SCAMP1: variants seen among roughly 807,000 people sequenced by gnomAD.
The protein encoded by SCAMP1 is secretory carrier-associated membrane protein 1.
Under a neutral mutation model 41.8 loss-of-function variants are expected in SCAMP1, and 15 were observed. The ratio of observed to expected loss-of-function variants is 0.36; its 90% confidence interval spans 0.24 to 0.55. The LOEUF (loss-of-function observed/expected upper bound fraction) is 0.55. SCAMP1 is among the 20% of genes least tolerant of loss of function. SCAMP1 has a pLI of 0.86. For missense variants in SCAMP1, 341 were observed against 412.6 expected, an observed-to-expected ratio of 0.83 and a Z score of 1.50; for synonymous variants, 135 against 136.8, an observed-to-expected ratio of 0.99 and a Z score of 0.09.
At position 78,388,921 on chromosome 5, in the gene SCAMP1, T is replaced by C; in HGVS notation, c.135+7T>C. The C allele has an allele frequency of 2.2e-6, 3 of 1,368,062 alleles. No individual in the cohort carries two copies. The highest frequency in any genetic ancestry group is 1.3e-5 in the South Asian group (1 of 75,306). The allele number at this position is 1,368,062 out of a possible 1,614,324, so 84.7% of individuals were successfully genotyped here. ...ATTCTCGGATTCTAGAACAGTAAGA[T>C]TATTCTTGCTTTTAAATGTTTAAAT... On this transcript the variant is annotated splice_region_variant and intron_variant, in intron 2 of 8. Transcript: ENST00000621999.
At chr5:78,453,013 C>A (rs1038672610) in intron 7 of SCAMP1, among the ~76,000 whole-genome samples, 1 of 147,126 alleles carries the variant, frequency 6.8e-6, no homozygotes, top group Non-Finnish European at 1.5e-5. Context: ...ATGTCCTTCG[C>A]CCACTTTTTG....
intron 3 of SCAMP1, 109 bp from the exon 4 acceptor site, chr5:78,416,432 G>A (rs1423869786): frequency 1.4e-6 from 1 of 706,648 alleles, no homozygotes; most frequent in Non-Finnish European, 2.3e-6. Flanking sequence ...CTTTGGAAGT[G>A]TGTTTGAATT....
intron 1 of SCAMP1, chr5:78,370,877 G>A (rs1435814367): frequency 6.6e-6 from 1 of 152,082 alleles, no homozygotes; most frequent in Non-Finnish European, 1.5e-5. Flanking sequence ...TCCTAGTGGG[G>A]GTGAAGTGGT....
At chr5:78,439,449 T>G (rs566921330) in intron 6 of SCAMP1, among the ~76,000 whole-genome samples, 11 of 152,320 alleles carry the variant, frequency 7.2e-5, no homozygotes, top group African/African-American at 2.4e-4. Context: ...GTCTGTAAAG[T>G]ATTTTATTTC....
intron 6 of SCAMP1, among the ~76,000 whole-genome samples, chr5:78,444,397 G>T (rs1753004700): frequency 1.3e-5 from 2 of 152,140 alleles, no homozygotes; most frequent in African/African-American, 4.8e-5. Context: ...GAGAGTGTGT[G>T]CAGGGGAACT....
chr5:78,464,913 T>C (rs1753707196), intron 8 of SCAMP1, among the ~76,000 whole-genome samples: 1 of 152,246 alleles, frequency 6.6e-6, no homozygotes, highest in African/African-American at 2.4e-5. Context: ...ATTCACACTT[T>C]CTATTCTTGT....
Position 78,403,937 on chromosome 5 carries a change from T to A in SCAMP1, c.136-11583T>A, listed in dbSNP as rs535690677. ...CCAAGATCGTGCCTAGGGGACAGAG[T>A]GAGACTCTGTCTCAAAAAAAAAAAA... On this transcript the variant is annotated intron_variant, in intron 2 of 8. Transcript: ENST00000621999. 2.0e-4 allele frequency among the ~76,000 whole-genome samples: 20 copies of A among 100,884 alleles called. 1 individual carries two copies. In the East Asian group the frequency reaches 6.2e-3, roughly 31 times the overall value. The allele number at this position is 100,884 out of a possible 152,430, so 66.2% of individuals were successfully genotyped here. A position where few individuals can be genotyped will look rare whatever the true frequency, so the allele number is the denominator to read the frequency against.
chr5:78,402,434 A>G (rs187837241), intron 2 of SCAMP1, among the ~76,000 whole-genome samples: 5 of 152,244 alleles, frequency 3.3e-5, no homozygotes, highest in African/African-American at 1.2e-4. Context: ...CTACAACTAT[A>G]ATAGTAGTTT....
chr5:78,451,272 C>T (rs931129142), intron 7 of SCAMP1, among the ~76,000 whole-genome samples: 14 of 152,162 alleles, frequency 9.2e-5, no homozygotes, highest in Admixed American at 9.2e-4. Context: ...TTTAGGTAAT[C>T]ATAGATTCAC....
rs748550581 is a variant in SCAMP1 at position 78,360,622 on chromosome 5, G to GTC, written c.-40_-39dup. The GTC allele has an allele frequency of 1.4e-4, 224 of 1,559,202 alleles. No individual in the cohort carries two copies. Among genetic ancestry groups the GTC allele is most frequent in the Admixed American group, 2.3e-4 (13 of 55,528 alleles). On this transcript the variant is annotated 5_prime_UTR_variant, in exon 1 of 9. Transcript: ENST00000621999. The stretch of plus-strand genomic sequence containing the variant: ...CGCAGGGGGGCGGCGGCCTCGCCTC[G>GTC]TCTCTCTCTCTGCGCCTGGGTCGGG...
chr5:78,433,854 C>T (rs893693399), intron 6 of SCAMP1, among the ~76,000 whole-genome samples: 3 of 151,986 alleles, frequency 2.0e-5, no homozygotes, highest in African/African-American at 7.3e-5. Flanking sequence ...AGAGATCTGC[C>T]CTTCTCAGTG....
At chr5:78,362,015 T>G (rs1271065231) in intron 1 of SCAMP1, among the ~76,000 whole-genome samples, 2 of 152,222 alleles carry the variant, frequency 1.3e-5, no homozygotes, top group Non-Finnish European at 2.9e-5. Context: ...ACTGTTTCAT[T>G]GTCCCTAATG....
At chr5:78,448,616 A>G (rs754094920) in intron 6 of SCAMP1, among the ~76,000 whole-genome samples, 3 of 152,222 alleles carry the variant, frequency 2.0e-5, no homozygotes, top group African/African-American at 2.4e-5. Flanking sequence ...CTGTACAGCT[A>G]TTACAATAGC....
intron 1 of SCAMP1, among the ~76,000 whole-genome samples, chr5:78,362,891 T>C (rs1750692718): frequency 7.2e-6 from 1 of 139,388 alleles, no homozygotes; most frequent in African/African-American, 2.6e-5. Context: ...TTTTTCTTTT[T>C]TTACTTTTTT....
In SCAMP1 at chr5:78,360,618, C is replaced by T. The variant is rs763907414; in HGVS notation, c.-54C>T. On this transcript the variant is annotated 5_prime_UTR_variant, in exon 1 of 9. Coordinates refer to ENST00000621999, the MANE Select transcript of SCAMP1 (RefSeq NM_004866.6). ...AGCGCGCAGGGGGGCGGCGGCCTCG[C>T]CTCGTCTCTCTCTCTGCGCCTGGGT... The T allele has an allele frequency of 1.2e-4, 180 of 1,549,194 alleles. No individual in the cohort carries two copies. Among genetic ancestry groups the T allele is most frequent in the Non-Finnish European group, 1.4e-4 (161 of 1,142,754 alleles).
At chr5:78,374,429 A>G (rs913682867) in intron 1 of SCAMP1, among the ~76,000 whole-genome samples, 6 of 152,094 alleles carry the variant, frequency 3.9e-5, no homozygotes, top group African/African-American at 1.4e-4. Context: ...GAATTGCTTC[A>G]ATAAGGGTAA....
At chr5:78,452,893 G>A (rs1753276169) in intron 7 of SCAMP1, among the ~76,000 whole-genome samples, 1 of 150,290 alleles carries the variant, frequency 6.7e-6, no homozygotes, top group Admixed American at 6.6e-5. Context: ...ACTGGTGTGA[G>A]ATGATATCTC....
intron 6 of SCAMP1, among the ~76,000 whole-genome samples, chr5:78,435,922 C>A (rs1324596450): frequency 2.6e-5 from 4 of 152,326 alleles, no homozygotes; most frequent in African/African-American, 9.6e-5. Context: ...GCCATTCTAA[C>A]TGGCGTGAGA....
At chr5:78,384,741 T>G (rs2112077578) in intron 1 of SCAMP1, among the ~76,000 whole-genome samples, 1 of 152,324 alleles carries the variant, frequency 6.6e-6, no homozygotes, top group Middle Eastern at 3.4e-3. Flanking sequence ...TCTGTTTATG[T>G]GGTGTATCAC....
Sources: allele counts gnomAD v4.1 joint callset (sites outside exome capture counted in the v4.1 genomes callset), GRCh38; gene constraint gnomAD v4.1.1; transcripts MANE v1.5; gene names NCBI Gene and HGNC (gene_info 2026-07-23, HGNC 2026-07-21).